The following CNTNAP2 variants were observed in gnomAD, a reference collection of about 807,000 sequenced individuals.
CNTNAP2 encodes the protein contactin associated protein 2.
CNTNAP2 carries 98 observed loss-of-function variants against 155.2 expected under a neutral mutation model. The ratio of observed to expected loss-of-function variants is 0.63; its 90% CI spans 0.54 to 0.75. The LOEUF is 0.75. Among genes scored for constraint, CNTNAP2 ranks in the 30% least tolerant of loss-of-function variants. The pLI is 0.00. For synonymous variants in CNTNAP2, 651 were observed against 631.2 expected (o/e 1.03, Z -0.47); for missense variants, 1,727 against 1,688.1 (o/e 1.02, Z -0.40).
At chr7:147,732,352 A>G (rs1584925826) in intron 13 of CNTNAP2, among the ~76,000 whole-genome samples, 1 of 152,164 alleles carries the variant, frequency 6.6e-6, no homozygotes, top group East Asian at 1.9e-4. Flanking sequence ...CCATGTCCCT[A>G]CAAAGGACAT....
chr7:147,913,147 A>G (rs1027595774), intron 14 of CNTNAP2, among the ~76,000 whole-genome samples: 1 of 152,260 alleles, frequency 6.6e-6, no homozygotes, highest in Non-Finnish European at 1.5e-5. Context: ...AATGTAACAC[A>G]TGTCCAAAGG....
intron 3 of CNTNAP2, among the ~76,000 whole-genome samples, chr7:146,894,938 A>G (rs907058700): frequency 6.6e-6 from 1 of 152,172 alleles, no homozygotes; most frequent in African/African-American, 2.4e-5. Flanking sequence ...GCTGGCCTTC[A>G]TAAGCAAGTA....
At chr7:147,375,131 C>T (rs941861093) in intron 9 of CNTNAP2, among the ~76,000 whole-genome samples, 9 of 151,978 alleles carry the variant, frequency 5.9e-5, no homozygotes, top group Non-Finnish European at 1.2e-4. Context: ...TTATAAGTTT[C>T]CTGAGGCCTC....
At chr7:148,134,695 T>C (rs1171276689) in intron 16 of CNTNAP2, among the ~76,000 whole-genome samples, 1 of 152,204 alleles carries the variant, frequency 6.6e-6, no homozygotes, top group African/African-American at 2.4e-5. Context: ...AAATAGTTGT[T>C]AAAGTTACAG....
intron 8 of CNTNAP2, among the ~76,000 whole-genome samples, chr7:147,284,244 T>C (rs1163935126): frequency 6.6e-6 from 1 of 151,866 alleles, no homozygotes; most frequent in Non-Finnish European, 1.5e-5. Context: ...TAGTCTTTTT[T>C]TTAAGTAGTT....
intron 1 of CNTNAP2, among the ~76,000 whole-genome samples, chr7:146,157,650 C>G (rs1798148448): frequency 1.3e-5 from 2 of 152,128 alleles, no homozygotes; most frequent in African/African-American, 4.8e-5. Flanking sequence ...GCACAGCAGT[C>G]TGAGATCCAA....
intron 10 of CNTNAP2, among the ~76,000 whole-genome samples, chr7:147,484,901 T>G (rs958170637): frequency 2.0e-5 from 3 of 152,248 alleles, no homozygotes; most frequent in African/African-American, 7.2e-5. Flanking sequence ...TACTAAAGTC[T>G]AGATGTCCTT....
At chr7:147,269,587 T>A (rs1450264490) in intron 8 of CNTNAP2, among the ~76,000 whole-genome samples, 3 of 152,334 alleles carry the variant, frequency 2.0e-5, no homozygotes, top group South Asian at 2.1e-4. Context: ...TTTGTTTACA[T>A]GTTTGCTATA....
At chr7:147,994,542 C>T (rs1047302559) in intron 15 of CNTNAP2, among the ~76,000 whole-genome samples, 2 of 152,086 alleles carry the variant, frequency 1.3e-5, no homozygotes, top group Non-Finnish European at 2.9e-5. Flanking sequence ...CAGGTCTTTC[C>T]AGCACTGTTC....
At chr7:147,200,158 G>A (rs1396402678) in intron 8 of CNTNAP2, among the ~76,000 whole-genome samples, 1 of 149,612 alleles carries the variant, frequency 6.7e-6, no homozygotes. Flanking sequence ...CTCCCCTGTT[G>A]CTCCAGAGAC....
At chr7:147,871,996 T>C (rs1241844073) in intron 13 of CNTNAP2, among the ~76,000 whole-genome samples, 1 of 152,206 alleles carries the variant, frequency 6.6e-6, no homozygotes, top group Non-Finnish European at 1.5e-5. Flanking sequence ...GTGAAATTGA[T>C]TTTTAAATTA....
intron 1 of CNTNAP2, among the ~76,000 whole-genome samples, chr7:146,500,043 T>A (rs1394081237): frequency 6.6e-6 from 1 of 152,222 alleles, no homozygotes; most frequent in Non-Finnish European, 1.5e-5. Flanking sequence ...TGTTTTTTTA[T>A]ATTGAAGTTG....
At chr7:147,752,389 A>C (rs1263820682) in intron 13 of CNTNAP2, among the ~76,000 whole-genome samples, 1 of 152,168 alleles carries the variant, frequency 6.6e-6, no homozygotes, top group Non-Finnish European at 1.5e-5. Flanking sequence ...TCCCATTAGA[A>C]GCTGTGATGA....
intron 12 of CNTNAP2, among the ~76,000 whole-genome samples, chr7:147,592,407 C>A (rs1410075666): frequency 6.7e-6 from 1 of 150,216 alleles, no homozygotes; most frequent in Non-Finnish European, 1.5e-5. Context: ...AAATTAAAAG[C>A]CTACATAGCA....
At chr7:146,972,787 GA>G (rs1797829472) in intron 3 of CNTNAP2, among the ~76,000 whole-genome samples, 1 of 152,084 alleles carries the variant, frequency 6.6e-6, no homozygotes. Context: ...TAATGTATTT[GA>G]AAATAGTCAT....
At chr7:147,255,518 G>A (rs1804301912) in intron 8 of CNTNAP2, among the ~76,000 whole-genome samples, 2 of 151,530 alleles carry the variant, frequency 1.3e-5, no homozygotes, top group South Asian at 4.2e-4. Flanking sequence ...CACCATGCCC[G>A]GCCAAATATT....
At chr7:146,617,241 T>G (rs372322267) in intron 1 of CNTNAP2, among the ~76,000 whole-genome samples, 22 of 152,334 alleles carry the variant, frequency 1.4e-4, no homozygotes, top group African/African-American at 4.8e-4. Flanking sequence ...GACCAAAGTT[T>G]CTTTGTCTAT....
At chr7:147,253,156 G>T (rs1022572593) in intron 8 of CNTNAP2, among the ~76,000 whole-genome samples, 6 of 152,108 alleles carry the variant, frequency 3.9e-5, no homozygotes, top group Non-Finnish European at 8.8e-5. Context: ...ATTGGCTACT[G>T]CCCGTTCTGA....
intron 12 of CNTNAP2, among the ~76,000 whole-genome samples, chr7:147,564,545 G>A (rs754719469): frequency 3.9e-5 from 6 of 152,212 alleles, no homozygotes; most frequent in East Asian, 1.9e-4. Context: ...TCAGGGCATC[G>A]TGGCTTGGAC....
Sources: allele counts gnomAD v4.1 joint callset (sites outside exome capture counted in the v4.1 genomes callset), GRCh38; gene constraint gnomAD v4.1.1; transcripts MANE v1.5; gene names NCBI Gene and HGNC (gene_info 2026-07-23, HGNC 2026-07-21).